Variants in KCNH8 observed in about 807,000 individuals in gnomAD.
The protein encoded by KCNH8 is potassium voltage-gated channel subfamily H member 8, also known as voltage-gated delayed rectifier potassium channel KCNH8.
Under a neutral mutation model 103.6 loss-of-function variants are expected in KCNH8, and 70 were observed. The observed-to-expected ratio is 0.68, with a 90% CI of 0.56 to 0.82. The LOEUF (loss-of-function observed/expected upper bound fraction) is 0.82. KCNH8 is among the 40% of genes least tolerant of loss of function. KCNH8 has a pLI of 0.00. For missense variants in KCNH8, 1,217 were observed against 1,329.9 expected (o/e 0.92, Z 1.32); for synonymous variants, 498 against 489.4 (o/e 1.02, Z -0.23).
chr3:19,171,364 T>A (rs1372055517), intron 1 of KCNH8, among the ~76,000 whole-genome samples: 1 of 152,206 alleles, frequency 6.6e-6, no homozygotes, highest in Non-Finnish European at 1.5e-5. Flanking sequence ...ATACAGCTTA[T>A]ATTTTTGCTC....
chr3:19,282,938 C>T (rs2064776947), intron 3 of KCNH8, among the ~76,000 whole-genome samples: 1 of 152,112 alleles, frequency 6.6e-6, no homozygotes, highest in East Asian at 1.9e-4. Context: ...AAGTGGGCTT[C>T]CTTCTAGTGA....
intron 2 of KCNH8, among the ~76,000 whole-genome samples, chr3:19,261,758 T>A (rs573118213): frequency 1.2e-4 from 18 of 151,948 alleles, no homozygotes; most frequent in South Asian, 4.2e-4. Flanking sequence ...AGGTTTTTTT[T>A]ATTGATTTTC....
At chr3:19,390,103 G>A (rs989658487) in intron 5 of KCNH8, among the ~76,000 whole-genome samples, 1 of 152,024 alleles carries the variant, frequency 6.6e-6, no homozygotes, top group Non-Finnish European at 1.5e-5. Context: ...GAACAATATT[G>A]GGTACATAGT....
intron 7 of KCNH8, among the ~76,000 whole-genome samples, chr3:19,420,174 T>C (rs2125155840): frequency 6.6e-6 from 1 of 152,338 alleles, no homozygotes; most frequent in Middle Eastern, 3.4e-3. Flanking sequence ...GCTCAATATA[T>C]GTTCATTGCT....
Position 19,395,095 on chromosome 3 carries a change from T to C in KCNH8, c.970-9T>C, listed in dbSNP as rs10470642. On this transcript the variant is annotated splice_polypyrimidine_tract_variant and intron_variant, in intron 6 of 15. Transcript: ENST00000328405. ...GCACCAAGTTGTGCTGCTCTGTCTC[T>C]TACCACAGGTGTCTCTCGTGCATCT... 1,130,342 of 1,606,488 alleles carry C rather than the reference T, an allele frequency of 0.7. 401,211 individuals are homozygous for C. Among genetic ancestry groups the C allele is most frequent in the African/African-American group, 0.94 (70,512 of 74,782 alleles).
rs541809209 is a variant in KCNH8 at position 19,285,938 on chromosome 3, A to G, written c.442+4609A>G. On this transcript the variant is annotated intron_variant, in intron 3 of 15. Transcript: ENST00000328405. ...AAGAGGTAGAGCAGAGTCAAGGAGA[A>G]CTTCACAGGAGAAATAATATTGAAG... Among the ~76,000 whole-genome samples the G allele has an allele frequency of 2.0e-3, 304 of 152,308 alleles. 2 individuals are homozygous for G. The highest frequency in any genetic ancestry group is 6.8e-3 in the Middle Eastern group (2 of 294).
chr3:19,189,271 A>G (rs2063529620), intron 1 of KCNH8, among the ~76,000 whole-genome samples: 1 of 152,064 alleles, frequency 6.6e-6, no homozygotes, highest in African/African-American at 2.4e-5. Context: ...GAATACATTT[A>G]TAAATATATT....
At chr3:19,345,988 A>T (rs889025052) in intron 4 of KCNH8, among the ~76,000 whole-genome samples, 1 of 152,056 alleles carries the variant, frequency 6.6e-6, no homozygotes, top group African/African-American at 2.4e-5. Context: ...TTCACTTTTG[A>T]GTTTTCCCAA....
At chr3:19,288,704 T>C (rs2064872856) in intron 3 of KCNH8, among the ~76,000 whole-genome samples, 1 of 152,222 alleles carries the variant, frequency 6.6e-6, no homozygotes, top group Non-Finnish European at 1.5e-5. Flanking sequence ...TGTACATGTG[T>C]CTTTATAGCA....
chr3:19,379,523 C>G (rs2066260573), intron 5 of KCNH8, among the ~76,000 whole-genome samples: 1 of 152,020 alleles, frequency 6.6e-6, no homozygotes, highest in Non-Finnish European at 1.5e-5. Context: ...ACCTATAGTC[C>G]CAGCTGCTTG....
intron 11 of KCNH8, among the ~76,000 whole-genome samples, chr3:19,504,122 G>A (rs2068646699): frequency 6.6e-6 from 1 of 152,026 alleles, no homozygotes; most frequent in Non-Finnish European, 1.5e-5. Context: ...ATAGTTCTGG[G>A]ATAACTGGCT....
chr3:19,236,843 A>G (rs1280086254), intron 1 of KCNH8, among the ~76,000 whole-genome samples: 3 of 152,244 alleles, frequency 2.0e-5, no homozygotes, highest in South Asian at 2.1e-4. Flanking sequence ...TCAACATCCT[A>G]TGTGCCATAC....
chr3:19,289,726 C>T (rs548551968), intron 3 of KCNH8, among the ~76,000 whole-genome samples: 10 of 152,184 alleles, frequency 6.6e-5, no homozygotes, highest in South Asian at 6.2e-4. Flanking sequence ...CTTGGCAACT[C>T]GGGCTCTTTT....
chr3:19,252,991 A>C (rs1195688771), intron 1 of KCNH8, among the ~76,000 whole-genome samples: 3 of 152,140 alleles, frequency 2.0e-5, no homozygotes, highest in Non-Finnish European at 2.9e-5. Context: ...ACATCCCAGG[A>C]GTGAACTTTA....
At chr3:19,373,480 C>T (rs543265179) in intron 5 of KCNH8, among the ~76,000 whole-genome samples, 8 of 152,026 alleles carry the variant, frequency 5.3e-5, no homozygotes, top group Non-Finnish European at 7.4e-5. Context: ...TTTTTTATTG[C>T]GTCTATTTGA....
At chr3:19,305,264 G>C (rs916299706) in intron 3 of KCNH8, among the ~76,000 whole-genome samples, 1 of 152,062 alleles carries the variant, frequency 6.6e-6, no homozygotes, top group Non-Finnish European at 1.5e-5. Context: ...TGCCAATAAA[G>C]TCAAAGGTAG....
chr3:19,516,280 A>T (rs1049381952), intron 14 of KCNH8, among the ~76,000 whole-genome samples: 6 of 152,062 alleles, frequency 3.9e-5, no homozygotes, highest in African/African-American at 1.4e-4. Flanking sequence ...ATTTGAATAT[A>T]CAGTTCTGGA....
chr3:19,213,664 A>G (rs930581155), intron 1 of KCNH8, among the ~76,000 whole-genome samples: 2 of 152,142 alleles, frequency 1.3e-5, no homozygotes, highest in Admixed American at 6.5e-5. Context: ...TGTTTATTGC[A>G]TCTCAGCTCA....
intron 1 of KCNH8, among the ~76,000 whole-genome samples, chr3:19,182,502 G>T (rs1411560943): frequency 1.3e-5 from 2 of 152,304 alleles, no homozygotes; most frequent in Non-Finnish European, 2.9e-5. Flanking sequence ...CTGCACTCCA[G>T]CCTGGGCGAC....
Sources: gnomAD v4.1 joint callset for allele counts (sites outside exome capture counted in the v4.1 genomes callset) on GRCh38, gnomAD v4.1.1 for gene constraint, MANE v1.5 for transcripts, NCBI Gene and HGNC (gene_info 2026-07-23, HGNC 2026-07-21) for gene names.